The following ATF7IP variants were observed in gnomAD, a reference collection of about 807,000 sequenced individuals.
ATF7IP encodes activating transcription factor 7-interacting protein 1.
ATF7IP carries 23 observed loss-of-function variants against 106.4 expected under a neutral mutation model. That is an observed-to-expected ratio of 0.22 (90% CI 0.16 to 0.31). ATF7IP has a LOEUF of 0.31. Among genes scored for constraint, ATF7IP ranks in the 10% least tolerant of loss-of-function variants. The probability of loss-of-function intolerance (pLI) is 1.00; values close to 1 mark genes in which losing one functional copy is unlikely to be tolerated. For missense variants in ATF7IP, 1,334 were observed against 1,524.3 expected (o/e 0.88, Z 2.08); for synonymous variants, 542 against 539.0 (o/e 1.01, Z -0.08).
intron 1 of ATF7IP, among the ~76,000 whole-genome samples, chr12:14,376,559 A>G (rs1371639360): frequency 6.6e-6 from 1 of 152,138 alleles, no homozygotes; most frequent in East Asian, 1.9e-4. Context: ...GCTATAATTG[A>G]CTTATTTATT....
intron 1 of ATF7IP, among the ~76,000 whole-genome samples, chr12:14,400,260 CATGTTTAG>C (rs1555112211): frequency 6.6e-6 from 1 of 152,098 alleles, no homozygotes; most frequent in Non-Finnish European, 1.5e-5. Flanking sequence ...TGCCTGTATA[CATGTTTAG>C]ATTTTTGTGT....
At chr12:14,478,594 G>A (rs1944333726) in intron 12 of ATF7IP, 122 bp downstream of exon 12, 1 of 1,114,172 alleles carries the variant, frequency 9.0e-7, no homozygotes, top group Non-Finnish European at 1.3e-6. Context: ...GAGGACTACA[G>A]TGCATGTCCT....
chr12:14,477,080 G>C (rs1486565471), intron 11 of ATF7IP, among the ~76,000 whole-genome samples: 1 of 152,098 alleles, frequency 6.6e-6, no homozygotes, highest in Admixed American at 6.6e-5. Flanking sequence ...ATAACGTTCA[G>C]CTACATATCT....
At chr12:14,444,482 A>G (rs559252835) in intron 5 of ATF7IP, among the ~76,000 whole-genome samples, 2 of 152,238 alleles carry the variant, frequency 1.3e-5, no homozygotes, top group Non-Finnish European at 2.9e-5. Context: ...CCAATGTAAT[A>G]GAATATCACT....
intron 1 of ATF7IP, among the ~76,000 whole-genome samples, chr12:14,410,937 A>G (rs578095113): frequency 2.6e-5 from 4 of 152,300 alleles, no homozygotes; most frequent in African/African-American, 9.6e-5. Flanking sequence ...AAGTTAATGC[A>G]TGTAGTAGCA....
chr12:14,388,886 C>G (rs1029996573), intron 1 of ATF7IP, among the ~76,000 whole-genome samples: 1 of 152,120 alleles, frequency 6.6e-6, no homozygotes, highest in African/African-American at 2.4e-5. Flanking sequence ...GTGATCTGAC[C>G]ACCTCAGCTT....
chr12:14,500,052 T>C lies in ATF7IP; in HGVS notation c.*1979T>C, dbSNP rs930283391. 1.3e-5 allele frequency: 2 copies of C among 152,210 alleles called. No individual in the cohort carries two copies. The highest frequency in any genetic ancestry group is 2.9e-5 in the Non-Finnish European group (2 of 68,038). 9.4% of individuals were successfully genotyped at this position (152,210 alleles called of 1,614,324 possible). On this transcript the variant is annotated 3_prime_UTR_variant, in exon 15 of 15. Transcript: ENST00000261168. ...TTTAGGAGGAGAATGTGGTTGAGAA[T>C]ATTTTGAAAGGAATTTATGGAGTTT... is the stretch of plus-strand genomic sequence containing the variant.
intron 1 of ATF7IP, among the ~76,000 whole-genome samples, chr12:14,374,143 G>C (rs1565468032): frequency 6.7e-6 from 1 of 150,306 alleles, no homozygotes; most frequent in East Asian, 2.0e-4. Context: ...TGTCACTCCA[G>C]CTGGAGTGCA....
chr12:14,467,381 C>G (rs559798133), intron 10 of ATF7IP, among the ~76,000 whole-genome samples: 5 of 152,148 alleles, frequency 3.3e-5, no homozygotes, highest in South Asian at 4.1e-4. Context: ...TTTTGACCAA[C>G]CTAGATGTAC....
chr12:14,388,504 G>A (rs1399471350), intron 1 of ATF7IP, among the ~76,000 whole-genome samples: 2 of 151,880 alleles, frequency 1.3e-5, no homozygotes, highest in East Asian at 1.9e-4. Flanking sequence ...CCATCACCAC[G>A]CCCGGCTAAT....
chr12:14,450,359 TTTTA>T (rs1451709555), intron 6 of ATF7IP, among the ~76,000 whole-genome samples: 1 of 152,160 alleles, frequency 6.6e-6, no homozygotes, highest in Non-Finnish European at 1.5e-5. Context: ...TTGATGAGTG[TTTTA>T]TTTATTTTTT....
chr12:14,452,338 T>G (rs757414430), intron 6 of ATF7IP, among the ~76,000 whole-genome samples: 12 of 152,342 alleles, frequency 7.9e-5, no homozygotes, highest in Non-Finnish European at 1.6e-4. Flanking sequence ...CCATTTGCAT[T>G]TAAATAAACT....
intron 13 of ATF7IP, among the ~76,000 whole-genome samples, chr12:14,484,358 A>G (rs1374589167): frequency 6.6e-6 from 1 of 152,196 alleles, no homozygotes; most frequent in Non-Finnish European, 1.5e-5. Flanking sequence ...CTGGATTATT[A>G]ATATCCTCCT....
In ATF7IP at chr12:14,498,190, T is replaced by TA; in HGVS notation, c.*117_*118insA. 2 of 960,478 alleles carry TA rather than the reference T, an allele frequency of 2.1e-6. No homozygotes were observed. The highest frequency in any genetic ancestry group is 1.6e-5 in the African/African-American group (1 of 61,188). 59.5% of individuals were successfully genotyped at this position (960,478 alleles called of 1,614,324 possible). On this transcript the variant is annotated 3_prime_UTR_variant, in exon 15 of 15. Transcript: ENST00000261168. The stretch of plus-strand genomic sequence containing the variant: ...TTGTGCAAGATTTCTTGGACAGATG[T>TA]GTGTATACACTACATTTGTTTATAA...
intron 1 of ATF7IP, among the ~76,000 whole-genome samples, chr12:14,400,826 A>T (rs1242252138): frequency 6.6e-6 from 1 of 152,200 alleles, no homozygotes. Context: ...AACCACAAGT[A>T]GTTGCCAATC....
chr12:14,451,037 T>C (rs1814256745), intron 6 of ATF7IP, among the ~76,000 whole-genome samples: 3 of 151,948 alleles, frequency 2.0e-5, no homozygotes, highest in African/African-American at 7.2e-5. Context: ...GGCCTTAGGC[T>C]TTTTTTGTTA....
intron 1 of ATF7IP, among the ~76,000 whole-genome samples, chr12:14,394,418 C>A (rs965718705): frequency 6.6e-6 from 1 of 151,872 alleles, no homozygotes; most frequent in East Asian, 1.9e-4. Flanking sequence ...CTTTTATTAC[C>A]TGGATTTGAA....
chr12:14,426,839 AAAAAAAAAAAAG>A (rs1312610694), intron 2 of ATF7IP, among the ~76,000 whole-genome samples: 20 of 144,954 alleles, frequency 1.4e-4, no homozygotes, highest in African/African-American at 4.3e-4. Flanking sequence ...AAAAAAAAAA[AAAAAAAAAAAAG>A]GATGGCTTTT....
chr12:14,471,092 A>T (rs143673496), intron 10 of ATF7IP, among the ~76,000 whole-genome samples: 1 of 152,112 alleles, frequency 6.6e-6, no homozygotes, highest in African/African-American at 2.4e-5. Context: ...GGGATTTTGC[A>T]AATTTTTTAT....
Sources: allele counts gnomAD v4.1 joint callset (sites outside exome capture counted in the v4.1 genomes callset), GRCh38; gene constraint gnomAD v4.1.1; transcripts MANE v1.5; gene names NCBI Gene and HGNC (gene_info 2026-07-23, HGNC 2026-07-21).